TBC1D22A: variants seen among roughly 807,000 people sequenced by gnomAD.
TBC1D22A encodes the protein TBC1 domain family member 22A.
Under a neutral mutation model 60.2 loss-of-function variants are expected in TBC1D22A, and 38 were observed. That is an observed-to-expected ratio of 0.63 (90% CI 0.49 to 0.83). The LOEUF (loss-of-function observed/expected upper bound fraction) is 0.83. Among genes scored for constraint, TBC1D22A ranks in the 40% least tolerant of loss-of-function variants. The pLI is 0.00. For synonymous variants in TBC1D22A, 302 were observed against 281.7 expected (o/e 1.07, Z -0.72); for missense variants, 628 against 701.0 (o/e 0.90, Z 1.18).
chr22:46,941,497 C>T (rs200233336), intron 8 of TBC1D22A, among the ~76,000 whole-genome samples: 1 of 92,700 alleles, frequency 1.1e-5, no homozygotes, highest in Admixed American at 1.1e-4. Flanking sequence ...TATATATACA[C>T]GGAATATATA....
At chr22:47,173,275 C>A (rs902386642) in intron 12 of TBC1D22A, among the ~76,000 whole-genome samples, 4 of 152,208 alleles carry the variant, frequency 2.6e-5, no homozygotes, top group African/African-American at 9.6e-5. Flanking sequence ...CAGGGAGCAG[C>A]TGCCGGCTGG....
chr22:46,807,920 TCATGCCACTGCACTCCGGCCTG>T (rs2085218368), intron 4 of TBC1D22A, among the ~76,000 whole-genome samples: 1 of 152,118 alleles, frequency 6.6e-6, no homozygotes, highest in African/African-American at 2.4e-5. Context: ...TGAGCTATGA[TCATGCCACTGCACTCCGGCCTG>T]GGTGACAGAG....
chr22:46,959,604 G>A (rs1418884700), intron 8 of TBC1D22A, among the ~76,000 whole-genome samples: 4 of 152,268 alleles, frequency 2.6e-5, no homozygotes, highest in East Asian at 1.9e-4. Flanking sequence ...CCCTTGTGCC[G>A]GTGGCCTCTC....
At chr22:46,989,902 A>G (rs2074873731) in intron 9 of TBC1D22A, among the ~76,000 whole-genome samples, 1 of 152,066 alleles carries the variant, frequency 6.6e-6, no homozygotes, top group Non-Finnish European at 1.5e-5. Context: ...TCCCAGGCTT[A>G]AGTGATTCTC....
chr22:46,817,122 A>AG (rs2085635645), intron 4 of TBC1D22A, among the ~76,000 whole-genome samples: 1 of 151,906 alleles, frequency 6.6e-6, no homozygotes, highest in Non-Finnish European at 1.5e-5. Context: ...AGTGGCTTAA[A>AG]ATTTTTTTTT....
intron 8 of TBC1D22A, among the ~76,000 whole-genome samples, chr22:46,962,000 T>G (rs2073531168): frequency 2.0e-5 from 3 of 152,238 alleles, no homozygotes; most frequent in African/African-American, 7.2e-5. Context: ...CCTGCAGATT[T>G]CGTCAGTGGC....
chr22:47,042,821 C>G (rs984320650), intron 11 of TBC1D22A, among the ~76,000 whole-genome samples: 2 of 152,246 alleles, frequency 1.3e-5, no homozygotes, highest in African/African-American at 4.8e-5. Flanking sequence ...GCACCTGATC[C>G]TTGTTCAGTA....
intron 1 of TBC1D22A, among the ~76,000 whole-genome samples, chr22:46,778,686 CA>C (rs1189610551): frequency 6.6e-6 from 1 of 152,114 alleles, no homozygotes; most frequent in African/African-American, 2.4e-5. Flanking sequence ...GGCTGTTTTA[CA>C]GCTTTTATTG....
chr22:47,083,652 C>T (rs777953388), intron 11 of TBC1D22A, among the ~76,000 whole-genome samples: 1 of 152,132 alleles, frequency 6.6e-6, no homozygotes, highest in Non-Finnish European at 1.5e-5. Flanking sequence ...GTGAATCTGT[C>T]TGTGAGTGAG....
At chr22:46,914,761 T>G in intron 8 of TBC1D22A, 1 of 153,486 alleles carries the variant, frequency 6.5e-6, no homozygotes, top group South Asian at 2.1e-4. Context: ...GCTGTGGGAG[T>G]GGGGCAGGAG....
chr22:47,169,818 T>G (rs2068361129), intron 12 of TBC1D22A, among the ~76,000 whole-genome samples: 1 of 152,216 alleles, frequency 6.6e-6, no homozygotes, highest in Non-Finnish European at 1.5e-5. Flanking sequence ...GGCCATTAAT[T>G]GTTTATGGAA....
chr22:47,168,937 G>C (rs1192712127), intron 12 of TBC1D22A, among the ~76,000 whole-genome samples: 1 of 152,152 alleles, frequency 6.6e-6, no homozygotes, highest in Non-Finnish European at 1.5e-5. Flanking sequence ...TTCGGCATCG[G>C]GAGCCTCAGC....
chr22:46,798,873 C>T (rs2084776522), intron 4 of TBC1D22A, among the ~76,000 whole-genome samples: 1 of 152,196 alleles, frequency 6.6e-6, no homozygotes, highest in South Asian at 2.1e-4. Context: ...CCTTCACGCT[C>T]AAGCCCAGGG....
chr22:46,815,770 CT>C (rs765724668), intron 4 of TBC1D22A, among the ~76,000 whole-genome samples: 46 of 152,108 alleles, frequency 3.0e-4, no homozygotes, highest in Non-Finnish European at 5.9e-4. Context: ...AAAATTCCAG[CT>C]TTATGGCAAG....
At chr22:46,782,576 A>C (rs1355725161) in intron 1 of TBC1D22A, among the ~76,000 whole-genome samples, 1 of 152,140 alleles carries the variant, frequency 6.6e-6, no homozygotes, top group South Asian at 2.1e-4. Context: ...TCATTACTAC[A>C]GTCAGTTTTA....
chr22:47,113,035 G>A (rs139729927), intron 12 of TBC1D22A, among the ~76,000 whole-genome samples: 259 of 152,354 alleles, frequency 1.7e-3, no homozygotes, highest in South Asian at 4.3e-3. Flanking sequence ...GCCTCCTGCT[G>A]TCCTCCACAG....
In TBC1D22A at chr22:47,143,778, G is replaced by A. The variant is rs565969805; in HGVS notation, c.1426-29720G>A. 4.6e-4 allele frequency among the ~76,000 whole-genome samples: 70 copies of A among 152,386 alleles called. 3 individuals are homozygous for A. The South Asian group carries it at 0.014, about 31-fold the overall frequency. ...CTCCAAGGTCCTGTCAGAGGCAGCTGTTTGAGCATTGGTCCCTGGAGTTGC... is the reference window on the plus strand; with the variant it reads ...CTCCAAGGTCCTGTCAGAGGCAGCTATTTGAGCATTGGTCCCTGGAGTTGC... On this transcript the variant is annotated intron_variant, in intron 12 of 12. Coordinates refer to ENST00000337137, the MANE Select transcript of TBC1D22A (RefSeq NM_014346.5).
chr22:46,947,261 T>G (rs1302687050), intron 8 of TBC1D22A, among the ~76,000 whole-genome samples: 5 of 152,220 alleles, frequency 3.3e-5, no homozygotes, highest in Admixed American at 1.3e-4. Context: ...ACATGGTTCT[T>G]GGGTTCTTCT....
At chr22:46,854,847 C>G (rs1482941083) in intron 4 of TBC1D22A, among the ~76,000 whole-genome samples, 2 of 152,116 alleles carry the variant, frequency 1.3e-5, no homozygotes, top group Non-Finnish European at 2.9e-5. Flanking sequence ...TGTTCATCCT[C>G]TGTTTCATCC....
Sources: gnomAD v4.1 joint callset for allele counts (sites outside exome capture counted in the v4.1 genomes callset) on GRCh38, gnomAD v4.1.1 for gene constraint, MANE v1.5 for transcripts, NCBI Gene and HGNC (gene_info 2026-07-23, HGNC 2026-07-21) for gene names.